The following SLC25A21 variants were observed in gnomAD, a reference collection of about 807,000 sequenced individuals.
SLC25A21 encodes mitochondrial 2-oxodicarboxylate carrier.
Under a neutral mutation model 43.8 loss-of-function variants are expected in SLC25A21, and 47 were observed. The observed-to-expected ratio is 1.07, with a 90% confidence interval of 0.85 to 1.37. The LOEUF (loss-of-function observed/expected upper bound fraction) is 1.37, where lower values mean the gene tolerates loss of function less well. Ranked by LOEUF, SLC25A21 falls within the 40% of genes most tolerant of loss-of-function variation. The pLI, the probability that SLC25A21 is intolerant of heterozygous loss-of-function variation, is 0.00. For missense variants in SLC25A21, 352 were observed against 350.2 expected (o/e 1.00, Z -0.04); for synonymous variants, 131 against 121.3 (o/e 1.08, Z -0.52).
chr14:36,961,193 C>G (rs1959483426), intron 1 of SLC25A21, among the ~76,000 whole-genome samples: 1 of 151,124 alleles, frequency 6.6e-6, no homozygotes, highest in African/African-American at 2.4e-5. Flanking sequence ...TTTAGCAAGC[C>G]TTCCGCACGT....
In SLC25A21 at chr14:37,007,974, A is replaced by C. The variant is rs147573103; in HGVS notation, c.71-132970T>G. Among the ~76,000 whole-genome samples, 928 of 152,072 alleles carry C rather than the reference A, an allele frequency of 6.1e-3. 11 individuals carry two copies. Among genetic ancestry groups the C allele is most frequent in the Non-Finnish European group, 9.9e-3 (675 of 68,000 alleles). On this transcript the variant is annotated intron_variant, in intron 1 of 9. Coordinates refer to ENST00000331299, the MANE Select transcript of SLC25A21 (RefSeq NM_030631.4). ...GCACAATTTTTTTTTTTTCAGGTTCAAGCGATTCTCCTGCCTGAGCCTCCC... is the reference window on the plus strand; with the variant it reads ...GCACAATTTTTTTTTTTTCAGGTTCCAGCGATTCTCCTGCCTGAGCCTCCC...
intron 2 of SLC25A21, among the ~76,000 whole-genome samples, chr14:36,857,839 TCCTTGAGCA>T (rs1889946533): frequency 6.6e-6 from 1 of 152,232 alleles, no homozygotes; most frequent in Non-Finnish European, 1.5e-5. Context: ...ATCTTGTTTC[TCCTTGAGCA>T]CCTATAGGGT....
intron 1 of SLC25A21, among the ~76,000 whole-genome samples, chr14:37,022,810 G>A (rs146741225): frequency 8.5e-5 from 13 of 152,190 alleles, no homozygotes; most frequent in Admixed American, 2.0e-4. Context: ...TAGTAAAGGA[G>A]TGAGAGAATG....
chr14:36,801,188 C>T (rs1416727523), intron 3 of SLC25A21, among the ~76,000 whole-genome samples: 1 of 152,164 alleles, frequency 6.6e-6, no homozygotes, highest in Non-Finnish European at 1.5e-5. Context: ...CAAGGGGCTA[C>T]TGAAGTCTCT....
intron 1 of SLC25A21, among the ~76,000 whole-genome samples, chr14:37,168,834 A>G (rs894717087): frequency 6.6e-6 from 1 of 152,160 alleles, no homozygotes; most frequent in Non-Finnish European, 1.5e-5. Flanking sequence ...TGACAACCTT[A>G]TATCTTCACA....
intron 3 of SLC25A21, among the ~76,000 whole-genome samples, chr14:36,807,756 T>C (rs1441936456): frequency 1.3e-5 from 2 of 152,182 alleles, no homozygotes; most frequent in African/African-American, 4.8e-5. Flanking sequence ...TCTTACTAAG[T>C]TGTAGAGCTG....
At chr14:36,796,101 G>T (rs1887659615) in intron 3 of SLC25A21, among the ~76,000 whole-genome samples, 1 of 152,080 alleles carries the variant, frequency 6.6e-6, no homozygotes, top group Admixed American at 6.6e-5. Context: ...GTGGAAATCA[G>T]AAAAAGGGCC....
intron 1 of SLC25A21, among the ~76,000 whole-genome samples, chr14:37,136,177 A>G (rs1445958367): frequency 6.6e-6 from 1 of 152,222 alleles, no homozygotes; most frequent in African/African-American, 2.4e-5. Context: ...ACTGTACTCT[A>G]GTAGTTATCT....
In SLC25A21 at chr14:36,947,076, G is replaced by C. The variant is rs535342452; in HGVS notation, c.71-72072C>G. 5.3e-5 allele frequency among the ~76,000 whole-genome samples: 8 copies of C among 152,102 alleles called. No individual in the cohort carries two copies. In the South Asian group the frequency reaches 8.3e-4, roughly 16 times the overall value. On this transcript the variant is annotated intron_variant, in intron 1 of 9. Transcript: ENST00000331299. ...TAAGTCATCAACTACTTTACTCTTT[G>C]GCGGTTTCAATTCTAGCCTTTTGAA...
chr14:36,900,961 G>C (rs1334027784), intron 1 of SLC25A21, among the ~76,000 whole-genome samples: 2 of 152,128 alleles, frequency 1.3e-5, no homozygotes, highest in African/African-American at 4.8e-5. Context: ...TTGCATAAAA[G>C]TGTATCCCAA....
intron 3 of SLC25A21, among the ~76,000 whole-genome samples, chr14:36,764,787 A>T (rs1886350187): frequency 6.6e-6 from 1 of 152,194 alleles, no homozygotes; most frequent in African/African-American, 2.4e-5. Flanking sequence ...TAGTAATGGG[A>T]GGCGGTGCCC....
chr14:36,820,152 C>T (rs1888578860), intron 2 of SLC25A21, among the ~76,000 whole-genome samples: 1 of 152,128 alleles, frequency 6.6e-6, no homozygotes, highest in South Asian at 2.1e-4. Flanking sequence ...AGGTAAAGAG[C>T]ATTTCTGGCA....
intron 1 of SLC25A21, among the ~76,000 whole-genome samples, chr14:37,130,024 G>A (rs1963365525): frequency 6.7e-6 from 1 of 149,160 alleles, no homozygotes; most frequent in African/African-American, 2.5e-5. Context: ...GGCTGAGGCA[G>A]GAGAATCACT....
intron 1 of SLC25A21, among the ~76,000 whole-genome samples, chr14:37,067,184 A>G (rs1181450723): frequency 6.6e-6 from 1 of 152,172 alleles, no homozygotes; most frequent in Non-Finnish European, 1.5e-5. Flanking sequence ...CTACTAAAAT[A>G]TAACAATCGC....
intron 2 of SLC25A21, among the ~76,000 whole-genome samples, chr14:36,852,117 T>C (rs952283470): frequency 6.6e-5 from 10 of 152,308 alleles, no homozygotes; most frequent in Non-Finnish European, 1.3e-4. Flanking sequence ...ACTGGGAACA[T>C]ACCCTTTCTG....
chr14:37,023,029 G>A (rs2138756636), intron 1 of SLC25A21, among the ~76,000 whole-genome samples: 1 of 152,050 alleles, frequency 6.6e-6, no homozygotes, highest in Non-Finnish European at 1.5e-5. Context: ...CCTTCTGCAG[G>A]CCGTCAACAC....
chr14:36,897,097 T>C (rs1284879949), intron 1 of SLC25A21, among the ~76,000 whole-genome samples: 4 of 152,244 alleles, frequency 2.6e-5, no homozygotes, highest in African/African-American at 4.8e-5. Flanking sequence ...CCTTGCTAGA[T>C]TGGGGAAGTT....
chr14:37,134,758 G>A (rs1459019022), intron 1 of SLC25A21, among the ~76,000 whole-genome samples: 2 of 152,002 alleles, frequency 1.3e-5, no homozygotes, highest in Non-Finnish European at 2.9e-5. Flanking sequence ...GGAGTTACCA[G>A]ATGAATTCCC....
intron 3 of SLC25A21, among the ~76,000 whole-genome samples, chr14:36,780,724 GACTTGTTTTGTGGCATA>G (rs1243422420): frequency 6.6e-6 from 1 of 151,996 alleles, no homozygotes; most frequent in Non-Finnish European, 1.5e-5. Flanking sequence ...AATTTGTTAA[GACTTGTTTTGTGGCATA>G]ATATATAATC....
Sources: allele counts gnomAD v4.1 joint callset (sites outside exome capture counted in the v4.1 genomes callset), GRCh38; gene constraint gnomAD v4.1.1; transcripts MANE v1.5; gene names NCBI Gene and HGNC (gene_info 2026-07-23, HGNC 2026-07-21).